CD9: variants seen among roughly 807,000 people sequenced by gnomAD.
CD9 encodes the protein CD9 antigen.
In CD9, 10 loss-of-function variants were observed where a neutral mutation model predicts 31.4. The ratio of observed to expected loss-of-function variants is 0.32; its 90% confidence interval spans 0.20 to 0.54. The LOEUF is 0.54. Among genes scored for constraint, CD9 ranks in the 20% least tolerant of loss-of-function variants. CD9 has a pLI of 0.94. For missense variants in CD9, 259 were observed against 300.1 expected (o/e 0.86, Z 1.01); for synonymous variants, 113 against 114.1 (o/e 0.99, Z 0.06).
At chr12:6,229,923 G>A (rs1946422300) in intron 2 of CD9, among the ~76,000 whole-genome samples, 1 of 151,802 alleles carries the variant, frequency 6.6e-6, no homozygotes, top group Non-Finnish European at 1.5e-5. Flanking sequence ...GCTCTGTGAT[G>A]GATAACTTTT....
At chr12:6,210,541 A>T (rs1485960933) in intron 1 of CD9, among the ~76,000 whole-genome samples, 1 of 152,188 alleles carries the variant, frequency 6.6e-6, no homozygotes, top group Non-Finnish European at 1.5e-5. Context: ...CCAGGTGGCC[A>T]TGCAGCTGCC....
intron 1 of CD9, among the ~76,000 whole-genome samples, chr12:6,218,842 G>A (rs945991695): frequency 6.6e-6 from 1 of 152,030 alleles, no homozygotes. Flanking sequence ...TGAGTTTGGG[G>A]CACTCTTGGG....
chr12:6,208,994 A>T (rs1478455342), intron 1 of CD9, among the ~76,000 whole-genome samples: 2 of 151,898 alleles, frequency 1.3e-5, no homozygotes, highest in Non-Finnish European at 2.9e-5. Context: ...TTTGAGACAG[A>T]GTCTCGCTCT....
In CD9 at chr12:6,235,557, A is replaced by G. The variant is rs753693547; in HGVS notation, c.529A>G (p.Thr177Ala). The change falls in exon 6 of 8, where the codon ACC (threonine) becomes GCC (alanine). Residue 177 changes from threonine (T) to alanine (A), a missense_variant. Coordinates refer to ENST00000009180, the MANE Select transcript of CD9 (RefSeq NM_001769.4). Reference sequence around the variant, plus strand: ...CAAGAAGGACGTACTCGAAACCTTCACCGTGAAGGTAAACTCAGACCAGGA... The same window carrying G: ...CAAGAAGGACGTACTCGAAACCTTCGCCGTGAAGGTAAACTCAGACCAGGA... ...CPKKDVLETF[T>A]VKSCPDAIKE... 10 of 1,612,084 alleles carry G rather than the reference A, an allele frequency of 6.2e-6. No homozygotes were observed. The highest frequency in any genetic ancestry group is 7.6e-6 in the Non-Finnish European group (9 of 1,178,524).
At chr12:6,226,289 G>C (rs1946365916) in intron 2 of CD9, 1 of 152,164 alleles carries the variant, frequency 6.6e-6, no homozygotes, top group Non-Finnish European at 1.5e-5. Flanking sequence ...GGGGAGCCTG[G>C]TGCCTGCCAA....
At chr12:6,234,147 G>GC (rs1234456765) in intron 4 of CD9, among the ~76,000 whole-genome samples, 1 of 151,776 alleles carries the variant, frequency 6.6e-6, no homozygotes, top group Non-Finnish European at 1.5e-5. Context: ...GTTAGTGGAG[G>GC]CAGGGGACTT....
intron 1 of CD9, among the ~76,000 whole-genome samples, chr12:6,214,765 G>A (rs896003536): frequency 6.6e-6 from 1 of 152,154 alleles, no homozygotes; most frequent in South Asian, 2.1e-4. Flanking sequence ...GCAGAATTCA[G>A]GGGGGAGGTT....
intron 1 of CD9, among the ~76,000 whole-genome samples, chr12:6,217,163 G>A (rs925635320): frequency 4.6e-5 from 7 of 152,112 alleles, no homozygotes; most frequent in African/African-American, 7.2e-5. Context: ...CAACAGAGGC[G>A]TGCAATAGAA....
intron 1 of CD9, among the ~76,000 whole-genome samples, chr12:6,209,377 C>G (rs537222404): frequency 6.6e-6 from 1 of 152,308 alleles, no homozygotes; most frequent in South Asian, 2.1e-4. Flanking sequence ...ATGCCCAACT[C>G]CACTGGATGT....
At chr12:6,223,144 G>C (rs3782717) in intron 1 of CD9, among the ~76,000 whole-genome samples, 68,117 of 152,022 alleles carry the variant, frequency 0.45, 15,927 homozygotes, top group Middle Eastern at 0.58. Context: ...CCGGCCTACA[G>C]TTTTCAGGTT....
chr12:6,215,354 G>A (rs576877370), intron 1 of CD9, among the ~76,000 whole-genome samples: 71 of 152,290 alleles, frequency 4.7e-4, no homozygotes, highest in African/African-American at 1.6e-3. Flanking sequence ...GTAAATGAAG[G>A]CCTAGAGTAG....
intron 2 of CD9, among the ~76,000 whole-genome samples, chr12:6,226,609 T>C (rs1254075688): frequency 6.6e-6 from 1 of 152,190 alleles, no homozygotes; most frequent in Non-Finnish European, 1.5e-5. Context: ...AACAGCTCCT[T>C]TGGTTGCGTA....
intron 1 of CD9, chr12:6,225,156 T>C (rs1946346242): frequency 2.4e-6 from 1 of 421,174 alleles, no homozygotes; most frequent in South Asian, 4.6e-5. Context: ...TTACTCGTTT[T>C]CACTGCTGTA....
intron 4 of CD9, among the ~76,000 whole-genome samples, 192 bp downstream of exon 4, chr12:6,233,678 G>A (rs1946480299): frequency 6.6e-6 from 1 of 152,094 alleles, no homozygotes; most frequent in African/African-American, 2.4e-5. Context: ...TTACTGTCCT[G>A]TCCGAGATTG....
At chr12:6,210,185 A>G (rs1946179501) in intron 1 of CD9, among the ~76,000 whole-genome samples, 2 of 152,014 alleles carry the variant, frequency 1.3e-5, no homozygotes, top group African/African-American at 2.4e-5. Flanking sequence ...GGTTCTGGGG[A>G]AGGGCAGAGG....
At chr12:6,224,005 T>C (rs1375931480) in intron 1 of CD9, among the ~76,000 whole-genome samples, 1 of 152,170 alleles carries the variant, frequency 6.6e-6, no homozygotes, top group South Asian at 2.1e-4. Flanking sequence ...CCGCGGGGCA[T>C]GTGGCGTCGT....
At chr12:6,209,169 A>C (rs966786449) in intron 1 of CD9, among the ~76,000 whole-genome samples, 51 of 152,042 alleles carry the variant, frequency 3.4e-4, no homozygotes, top group African/African-American at 1.2e-3. Flanking sequence ...GGATTTCATC[A>C]TGTTGGCCAG....
chr12:6,221,813 C>CAAAA (rs34034952), intron 1 of CD9, among the ~76,000 whole-genome samples: 2 of 62,084 alleles, frequency 3.2e-5, no homozygotes, highest in Non-Finnish European at 6.1e-5. Context: ...CCTGGCTCTA[C>CAAAA]AAAAAAAAAA....
At position 6,211,573 on chromosome 12, in the gene CD9, T is replaced by C. The variant is rs115929062; in HGVS notation, c.66+11008T>C. On this transcript the variant is annotated intron_variant, in intron 1 of 7. Transcript: ENST00000009180. ...CGCACGTGGCGGCCAACTCTGCAGA[T>C]GGAATGAGAGCAAGCTGCTGCAAGT... Among the ~76,000 whole-genome samples the C allele has an allele frequency of 1.4e-3, 216 of 152,290 alleles. 2 individuals are homozygous for C. The highest frequency in any genetic ancestry group is 5.1e-3 in the African/African-American group (213 of 41,560).
Sources: allele counts gnomAD v4.1 joint callset (sites outside exome capture counted in the v4.1 genomes callset), GRCh38; gene constraint gnomAD v4.1.1; transcripts MANE v1.5; gene names NCBI Gene and HGNC (gene_info 2026-07-23, HGNC 2026-07-21).